Variants in KAZN observed in about 807,000 individuals in gnomAD.
The protein encoded by KAZN is kazrin, periplakin interacting protein.
A neutral mutation model predicts 87.4 loss-of-function variants in KAZN; 40 were observed. The observed-to-expected ratio is 0.46, with a 90% CI of 0.36 to 0.60. The LOEUF (loss-of-function observed/expected upper bound fraction) is 0.60. KAZN is among the 20% of genes least tolerant of loss of function. The pLI is 0.00. For missense variants in KAZN, 898 were observed against 1,073.9 expected, an observed-to-expected ratio of 0.84 and a Z score of 2.29; for synonymous variants, 466 against 458.3, an observed-to-expected ratio of 1.02 and a Z score of -0.22.
chr1:14,396,168 C>CAAAAA (rs764796102), intron 2 of KAZN, among the ~76,000 whole-genome samples: 3 of 120,942 alleles, frequency 2.5e-5, no homozygotes, highest in Admixed American at 8.8e-5. Context: ...GACTCCGTCT[C>CAAAAA]AAAAAAAAAA....
At chr1:14,379,331 G>A (rs1390660162) in intron 2 of KAZN, among the ~76,000 whole-genome samples, 2 of 151,924 alleles carry the variant, frequency 1.3e-5, no homozygotes, top group Non-Finnish European at 2.9e-5. Context: ...TGGCTACAGG[G>A]AGAGACTCCT....
intron 2 of KAZN, among the ~76,000 whole-genome samples, chr1:14,392,125 G>A (rs995685229): frequency 2.0e-5 from 3 of 152,152 alleles, no homozygotes; most frequent in African/African-American, 7.2e-5. Flanking sequence ...GAAAGCCAAA[G>A]GTGATAGCCT....
intron 2 of KAZN, among the ~76,000 whole-genome samples, chr1:14,492,875 C>T (rs962400270): frequency 6.6e-6 from 1 of 151,564 alleles, no homozygotes; most frequent in Non-Finnish European, 1.5e-5. Flanking sequence ...ACGCACAGCA[C>T]ACACACATGC....
At chr1:14,392,715 G>A (rs954744067) in intron 2 of KAZN, among the ~76,000 whole-genome samples, 12 of 152,048 alleles carry the variant, frequency 7.9e-5, no homozygotes, top group Non-Finnish European at 1.3e-4. Context: ...AAAAGTCTGC[G>A]AACATTGCCA....
At position 15,096,574 on chromosome 1, in the gene KAZN, C is replaced by T. The variant is rs1640814399; in HGVS notation, c.1547+1641C>T. On this transcript the variant is annotated intron_variant, in intron 10 of 14. Coordinates refer to ENST00000376030, the MANE Select transcript of KAZN (RefSeq NM_201628.3). This position sits in a 1 kb window ranked among gnomAD's most constrained non-coding sequence, Gnocchi z 4.5. Reference sequence around the variant, plus strand: ...CTTGGGCTGCCATAACAAAATGACACCATCTGGGTTGCTTAGACAACAACT... The same window carrying T: ...CTTGGGCTGCCATAACAAAATGACATCATCTGGGTTGCTTAGACAACAACT... 1.3e-5 allele frequency among the ~76,000 whole-genome samples: 2 copies of T among 152,146 alleles called. No homozygotes were observed. The highest frequency in any genetic ancestry group is 4.1e-4 in the South Asian group (2 of 4,828).
intron 1 of KAZN, among the ~76,000 whole-genome samples, chr1:14,871,413 T>C (rs2803396): frequency 0.76 from 114,832 of 151,854 alleles, 43,559 homozygotes; most frequent in East Asian, 0.97. Context: ...AGCTGGAGGA[T>C]GGGCTTCCTC....
chr1:14,609,441 T>C (rs896260566), intron 1 of KAZN, among the ~76,000 whole-genome samples: 1 of 152,178 alleles, frequency 6.6e-6, no homozygotes, highest in Non-Finnish European at 1.5e-5. Context: ...CAGCAACTAC[T>C]AAAACAAAAC....
At chr1:14,465,560 G>A (rs767634031) in intron 2 of KAZN, among the ~76,000 whole-genome samples, 10 of 152,220 alleles carry the variant, frequency 6.6e-5, no homozygotes, top group Admixed American at 2.0e-4. Flanking sequence ...CTCCCAGAGC[G>A]AGCATTCCAG....
chr1:14,559,822 T>A (rs1426338452), intron 2 of KAZN, among the ~76,000 whole-genome samples: 1 of 152,168 alleles, frequency 6.6e-6, no homozygotes, highest in South Asian at 2.1e-4. Context: ...TGTGTGACCT[T>A]GATGAAGTCA....
intron 2 of KAZN, among the ~76,000 whole-genome samples, chr1:14,188,636 A>AACTT (rs1338437892): frequency 1.3e-5 from 2 of 152,186 alleles, no homozygotes; most frequent in East Asian, 3.9e-4. Flanking sequence ...AATATGCAGT[A>AACTT]ACTTACCGGA....
In KAZN at chr1:14,257,975, GAAAAA is replaced by G. The variant is rs201805345; in HGVS notation, c.249+77391_249+77395del. Among the ~76,000 whole-genome samples the G allele has an allele frequency of 1.2e-3, 108 of 87,964 alleles. 2 individuals are homozygous for G. The highest frequency in any genetic ancestry group is 4.1e-3 in the South Asian group (10 of 2,430). 57.7% of individuals were successfully genotyped at this position (87,964 alleles called of 152,430 possible). ...AAAAAACATTAAAAAAAAAAAAAGA[GAAAAA>G]AAAAAAAGAAAAGAAGGGGGAAGGG... On this transcript the variant is annotated intron_variant, in intron 2 of 16. Coordinates refer to the KAZN transcript ENST00000636203.
chr1:14,016,054 A>G (rs1640557171), intron 1 of KAZN, among the ~76,000 whole-genome samples: 1 of 152,110 alleles, frequency 6.6e-6, no homozygotes, highest in African/African-American at 2.4e-5. Flanking sequence ...CTCTTTAAGA[A>G]TGCAATGGTT....
intron 1 of KAZN, among the ~76,000 whole-genome samples, chr1:14,643,064 T>C (rs564309421): frequency 6.6e-6 from 1 of 152,176 alleles, no homozygotes; most frequent in Non-Finnish European, 1.5e-5. Flanking sequence ...GTGAATGTTT[T>C]TAGCAGCTCT....
chr1:14,055,877 C>A (rs1450474997), intron 1 of KAZN, among the ~76,000 whole-genome samples: 1 of 152,190 alleles, frequency 6.6e-6, no homozygotes, highest in East Asian at 1.9e-4. Context: ...TTAAATGTCT[C>A]AATGTCTGGG....
At chr1:15,017,872 C>T (rs1467938991) in intron 2 of KAZN, among the ~76,000 whole-genome samples, 2 of 152,182 alleles carry the variant, frequency 1.3e-5, no homozygotes, top group African/African-American at 4.8e-5. Context: ...TCTCATAAGC[C>T]TGCCTCTGGC....
At chr1:14,782,799 G>A (rs541625749) in intron 1 of KAZN, among the ~76,000 whole-genome samples, 11 of 152,066 alleles carry the variant, frequency 7.2e-5, no homozygotes, top group South Asian at 2.1e-4. Context: ...TTCCTGAGTC[G>A]CTGGAGGAAT....
intron 1 of KAZN, among the ~76,000 whole-genome samples, chr1:14,728,510 C>T (rs1396552569): frequency 6.6e-6 from 1 of 152,094 alleles, no homozygotes; most frequent in Non-Finnish European, 1.5e-5. Context: ...TGAACTAAGT[C>T]TGTAGTAGCC....
At chr1:14,138,116 T>C (rs1385108352) in intron 1 of KAZN, among the ~76,000 whole-genome samples, 6 of 151,478 alleles carry the variant, frequency 4.0e-5, no homozygotes, top group African/African-American at 9.7e-5. Flanking sequence ...TGTATACATA[T>C]CCTATATGTT....
chr1:14,728,286 A>G (rs1351416462), intron 1 of KAZN, among the ~76,000 whole-genome samples: 11 of 59,406 alleles, frequency 1.9e-4, no homozygotes, highest in Non-Finnish European at 3.6e-4. Context: ...AACACCGTAT[A>G]TATAAAAAAA....
Sources: gnomAD v4.1 joint callset for allele counts (sites outside exome capture counted in the v4.1 genomes callset) on GRCh38, gnomAD v4.1.1 for gene constraint, Gnocchi (gnomAD v3.1) non-coding constraint, MANE v1.5 for transcripts, NCBI Gene and HGNC (gene_info 2026-07-23, HGNC 2026-07-21) for gene names.